TSKU: variants seen among roughly 807,000 people sequenced by gnomAD.
The protein encoded by TSKU is tsukushi.
TSKU carries 4 observed loss-of-function variants against 11.2 expected under a neutral mutation model. The ratio of observed to expected loss-of-function variants is 0.36; its 90% CI spans 0.18 to 0.82. TSKU has a LOEUF of 0.82. Among genes scored for constraint, TSKU ranks in the 40% least tolerant of loss-of-function variants. The probability of loss-of-function intolerance (pLI) is 0.50; values close to 1 mark genes in which losing one functional copy is unlikely to be tolerated. For synonymous variants in TSKU, 220 were observed against 232.2 expected, an observed-to-expected ratio of 0.95 and a Z score of 0.48; for missense variants, 407 against 482.5, an observed-to-expected ratio of 0.84 and a Z score of 1.47.
chr11:76,784,954 A>C (rs1279338307), intron 1 of TSKU, among the ~76,000 whole-genome samples: 1 of 152,226 alleles, frequency 6.6e-6, no homozygotes, highest in Non-Finnish European at 1.5e-5. Context: ...CTCCGGCCTC[A>C]GTTTCCCTTC....
rs142190066 is a variant in TSKU at position 76,796,113 on chromosome 11, A to C, written c.497A>C (p.His166Pro). 6.8e-6 allele frequency: 11 copies of C among 1,613,800 alleles called. No individual in the cohort carries two copies. The African/African-American group carries it at 1.5e-4, about 22-fold the overall frequency. ...QGRALHVDLS[H>P]NLIHRLVPHP... ...CGGGCACTACACGTGGACCTCTCCC[A>C]CAACCTCATTCACCGCCTCGTGCCC... The change falls in exon 2 of 2, where the codon CAC becomes CCC. Residue 166 changes from histidine to proline, a missense_variant. His to Pro is a moderately conservative substitution (Grantham distance 77). Coordinates refer to ENST00000333090, the MANE Select transcript of TSKU (RefSeq NM_015516.4). The surrounding 1 kb of genome is among the most constrained non-coding windows in gnomAD (Gnocchi z 4.1).
chr11:76,784,757 G>C (rs550900443), intron 1 of TSKU, among the ~76,000 whole-genome samples: 31 of 142,544 alleles, frequency 2.2e-4, no homozygotes, highest in South Asian at 1.3e-3. Context: ...GGGGGGGGGG[G>C]GGTGCTCAGA....
In TSKU at chr11:76,785,273, T is replaced by G. The variant is rs1944300626; in HGVS notation, c.-9+1869T>G. Among the ~76,000 whole-genome samples, 2 of 152,260 alleles carry G rather than the reference T, an allele frequency of 1.3e-5. 1 individual carries two copies. Among genetic ancestry groups the G allele is most frequent in the South Asian group, 4.1e-4 (2 of 4,834 alleles). On this transcript the variant is annotated intron_variant, in intron 1 of 1. Transcript: ENST00000333090. Reference sequence around the variant, plus strand: ...GGTAAAGTCCAGATCAGTCTTCTTCTTAATCATAACTCCTGGGTCAACACA... The same window carrying G: ...GGTAAAGTCCAGATCAGTCTTCTTCGTAATCATAACTCCTGGGTCAACACA...
At chr11:76,783,852 C>T (rs1944272020) in intron 1 of TSKU, among the ~76,000 whole-genome samples, 1 of 152,208 alleles carries the variant, frequency 6.6e-6, no homozygotes, top group Non-Finnish European at 1.5e-5. Context: ...GCCGACGTGT[C>T]TGGGCTGGGT....
At position 76,796,753 on chromosome 11, in the gene TSKU, A is replaced by G; in HGVS notation, c.*75A>G. ...TCAGGTCCCGAGTAACTTATGTTCA[A>G]TGTGCCAACACCAGTGGGGAGCCCG... On this transcript the variant is annotated 3_prime_UTR_variant, in exon 2 of 2. Transcript: ENST00000333090. The surrounding 1 kb of genome is among the most constrained non-coding windows in gnomAD (Gnocchi z 4.1). 8.4e-7 allele frequency: 1 copy of G among 1,196,258 alleles called. No individual in the cohort carries two copies. Among genetic ancestry groups the G allele is most frequent in the South Asian group, 2.1e-5 (1 of 47,396 alleles). The allele number at this position is 1,196,258 out of a possible 1,614,324, so 74.1% of individuals were successfully genotyped here.
intron 1 of TSKU, among the ~76,000 whole-genome samples, chr11:76,787,099 A>G (rs1030829610): frequency 1.3e-5 from 2 of 152,172 alleles, no homozygotes; most frequent in African/African-American, 4.8e-5. Context: ...CGTTAGGACC[A>G]GCACTGGGAT....
intron 1 of TSKU, among the ~76,000 whole-genome samples, chr11:76,788,971 G>A (rs1016914286): frequency 6.6e-6 from 1 of 152,238 alleles, no homozygotes; most frequent in Non-Finnish European, 1.5e-5. Flanking sequence ...GAGGGCCTGA[G>A]TGGACAGAAC....
intron 1 of TSKU, among the ~76,000 whole-genome samples, chr11:76,791,595 A>G (rs1416394458): frequency 2.0e-5 from 3 of 152,270 alleles, no homozygotes; most frequent in Non-Finnish European, 4.4e-5. Context: ...GCAAGCCCCA[A>G]GACTTCGCAG....
rs1204807404 is a variant in TSKU, at chr11:76,796,540, C to T, written c.924C>T (p.Val308=). The T allele has an allele frequency of 2.6e-5, 42 of 1,604,080 alleles. No homozygotes were observed. Among genetic ancestry groups the T allele is most frequent in the Non-Finnish European group, 3.2e-5 (38 of 1,174,474 alleles). ...LLLHLPALQS[V]SVGQDVRCRR... ...TCCACCTCCCGGCACTGCAGAGCGT[C>T]AGCGTGGGCCAGGATGTGCGGTGCC... Residue 308 remains valine, a synonymous_variant, in exon 2 of 2, where the codon GTC becomes GTT. Transcript: ENST00000333090. This position sits in a 1 kb window ranked among gnomAD's most constrained non-coding sequence, Gnocchi z 4.1.
At chr11:76,785,869 C>A (rs1211780090) in intron 1 of TSKU, among the ~76,000 whole-genome samples, 1 of 152,172 alleles carries the variant, frequency 6.6e-6, no homozygotes, top group Non-Finnish European at 1.5e-5. Context: ...TTTACTCCCA[C>A]CCCATTGCTT....
At chr11:76,791,153 A>G (rs1330057262) in intron 1 of TSKU, among the ~76,000 whole-genome samples, 1 of 152,202 alleles carries the variant, frequency 6.6e-6, no homozygotes, top group Non-Finnish European at 1.5e-5. Flanking sequence ...GATTTAGGGT[A>G]TCTGGCAGAA....
chr11:76,790,069 C>G (rs1400831556), intron 1 of TSKU, among the ~76,000 whole-genome samples: 1 of 133,642 alleles, frequency 7.5e-6, no homozygotes, highest in East Asian at 2.4e-4. Flanking sequence ...TAGCCCAGTG[C>G]TTTGTATATA....
At chr11:76,794,123 G>T (rs960564013) in intron 1 of TSKU, among the ~76,000 whole-genome samples, 1 of 152,174 alleles carries the variant, frequency 6.6e-6, no homozygotes, top group African/African-American at 2.4e-5. Context: ...CTGTCTCCCA[G>T]GCTGCTGAGG....
chr11:76,784,136 G>A (rs1944278899), intron 1 of TSKU: 1 of 152,600 alleles, frequency 6.6e-6, no homozygotes, highest in Non-Finnish European at 1.5e-5. Flanking sequence ...CGGAGCGTGC[G>A]GACTCCCCCT....
chr11:76,787,192 C>T (rs191233800), intron 1 of TSKU, among the ~76,000 whole-genome samples: 3 of 152,276 alleles, frequency 2.0e-5, no homozygotes, highest in Non-Finnish European at 4.4e-5. Flanking sequence ...TGGGTTGGAA[C>T]CCAGACTGCC....
intron 1 of TSKU, among the ~76,000 whole-genome samples, chr11:76,786,222 G>C (rs116617889): frequency 2.0e-5 from 3 of 152,214 alleles, no homozygotes; most frequent in African/African-American, 4.8e-5. Flanking sequence ...GGCCAGGCTC[G>C]TGCAGGCAAG....
intron 1 of TSKU, among the ~76,000 whole-genome samples, chr11:76,789,940 G>T (rs1355863752): frequency 6.6e-6 from 1 of 152,084 alleles, no homozygotes; most frequent in Non-Finnish European, 1.5e-5. Context: ...GCTGGTGTTA[G>T]TGATCTTGTT....
intron 1 of TSKU, among the ~76,000 whole-genome samples, chr11:76,784,749 G>GTT (rs1346594663): frequency 3.0e-5 from 4 of 134,402 alleles, no homozygotes; most frequent in East Asian, 2.1e-4. Context: ...CCGGAGGTGG[G>GTT]GGGGGGGGGG....
In TSKU at chr11:76,788,129, G is replaced by A. The variant is rs188924804; in HGVS notation, c.-9+4725G>A. Among the ~76,000 whole-genome samples the A allele has an allele frequency of 1.6e-4, 25 of 152,140 alleles. No homozygotes were observed. In the East Asian group the frequency reaches 4.8e-3, roughly 29 times the overall value. ...GGACGTTTCTGAACCATCCACCTGGGGATTTCCTCGGCATCAGCTTGAGTG... is the reference window on the plus strand; with the variant it reads ...GGACGTTTCTGAACCATCCACCTGGAGATTTCCTCGGCATCAGCTTGAGTG... On this transcript the variant is annotated intron_variant, in intron 1 of 1. Coordinates refer to ENST00000333090, the MANE Select transcript of TSKU (RefSeq NM_015516.4).
Sources: gnomAD v4.1 joint callset for allele counts (sites outside exome capture counted in the v4.1 genomes callset) on GRCh38, gnomAD v4.1.1 for gene constraint, Gnocchi (gnomAD v3.1) non-coding constraint, MANE v1.5 for transcripts, NCBI Gene and HGNC (gene_info 2026-07-23, HGNC 2026-07-21) for gene names.